Variants in CDH4 observed in about 807,000 individuals in gnomAD.
CDH4 encodes the protein cadherin-4.
Under a neutral mutation model 86.0 loss-of-function variants are expected in CDH4, and 33 were observed. The observed-to-expected ratio is 0.38, with a 90% CI of 0.29 to 0.51. The LOEUF is 0.51. Ranked by LOEUF, CDH4 falls within the 20% of genes least tolerant of loss-of-function variation. The probability of loss-of-function intolerance (pLI) is 0.86; values close to 1 mark genes in which losing one functional copy is unlikely to be tolerated. For synonymous variants in CDH4, 555 were observed against 549.4 expected (o/e 1.01, Z -0.14); for missense variants, 1,114 against 1,307.4 (o/e 0.85, Z 2.28).
At chr20:61,521,873 G>A (rs969968038) in intron 2 of CDH4, among the ~76,000 whole-genome samples, 1 of 152,164 alleles carries the variant, frequency 6.6e-6, no homozygotes, top group Non-Finnish European at 1.5e-5. Flanking sequence ...GATTTTAGTC[G>A]CATTTCCTGT....
intron 5 of CDH4, among the ~76,000 whole-genome samples, chr20:61,845,592 T>C (rs547441350): frequency 2.6e-4 from 40 of 152,148 alleles, no homozygotes; most frequent in Non-Finnish European, 4.4e-4. Context: ...ATCACGAGGG[T>C]CACACCCCGA....
chr20:61,778,730 TCA>T (rs1026854575), intron 4 of CDH4, among the ~76,000 whole-genome samples: 3 of 152,112 alleles, frequency 2.0e-5, no homozygotes, highest in Admixed American at 6.5e-5. Flanking sequence ...AGGAAGCCGC[TCA>T]CAGTTACCGA....
Position 61,624,593 on chromosome 20 carries a change from G to A in CDH4, c.170-118970G>A, listed in dbSNP as rs1041235145. ...GACCAAGCCTCAGTGGCCAAACCTG[G>A]GATCTCTGGAATCGAGATCCTCAGC... On this transcript the variant is annotated intron_variant, in intron 2 of 15. Transcript: ENST00000614565. Among the ~76,000 whole-genome samples the A allele has an allele frequency of 5.3e-5, 8 of 152,184 alleles. 1 individual carries two copies. The highest frequency in any genetic ancestry group is 5.2e-4 in the Admixed American group (8 of 15,288).
chr20:61,532,854 C>G (rs1378730684), intron 2 of CDH4, among the ~76,000 whole-genome samples: 1 of 152,164 alleles, frequency 6.6e-6, no homozygotes, highest in African/African-American at 2.4e-5. Flanking sequence ...AGCAACACTC[C>G]TCTGTCTTCT....
At chr20:61,743,132 A>G (rs1269171160) in intron 2 of CDH4, among the ~76,000 whole-genome samples, 1 of 152,198 alleles carries the variant, frequency 6.6e-6, no homozygotes, top group Non-Finnish European at 1.5e-5. Context: ...CTTGGAGTGG[A>G]AAAACAGGTC....
chr20:61,503,198 C>G (rs1267187070), intron 2 of CDH4, among the ~76,000 whole-genome samples: 1 of 152,104 alleles, frequency 6.6e-6, no homozygotes, highest in East Asian at 1.9e-4. Flanking sequence ...ACGGGATATA[C>G]GTGATCAGGG....
intron 2 of CDH4, among the ~76,000 whole-genome samples, chr20:61,563,277 G>C (rs570267564): frequency 1.3e-5 from 2 of 152,334 alleles, no homozygotes; most frequent in African/African-American, 4.8e-5. Flanking sequence ...TTTTCACAAA[G>C]CAGGCACTCA....
Position 61,873,765 on chromosome 20 carries a change from C to T in CDH4, c.915C>T (p.Asp305=), listed in dbSNP as rs147617244. 9.3e-6 allele frequency: 15 copies of T among 1,613,768 alleles called. No homozygotes were observed. Among genetic ancestry groups the T allele is most frequent in the East Asian group, 8.9e-5 (4 of 44,888 alleles). The change falls in exon 7 of 16, where the codon GAC becomes GAT. Residue 305 remains aspartate, a synonymous_variant. Transcript: ENST00000614565. ...TGACCGTCACGGCCAACGATGCTGA[C>T]GACAGCACCACGGCCAACGGGATGG... The part of the protein sequence containing the change: ...YVMTVTANDA[D]DSTTANGMVR...
At position 61,325,492 on chromosome 20, in the gene CDH4, C is replaced by T. The variant is rs138631394; in HGVS notation, c.169+70555C>T. Among the ~76,000 whole-genome samples, 16 of 149,992 alleles carry T rather than the reference C, an allele frequency of 1.1e-4. No homozygotes were observed. The South Asian group carries it at 2.3e-3, about 22-fold the overall frequency. On this transcript the variant is annotated intron_variant, in intron 2 of 15. Transcript: ENST00000614565. ...CTGCATTTCTTGAGAGATGTCAGAA[C>T]GGGAGGGGTGTGTTTTGGGGAAGAG... is the stretch of plus-strand genomic sequence containing the variant.
At chr20:61,513,561 T>G (rs1354619251) in intron 2 of CDH4, among the ~76,000 whole-genome samples, 1 of 152,208 alleles carries the variant, frequency 6.6e-6, no homozygotes, top group African/African-American at 2.4e-5. Flanking sequence ...GGGCCCAGAA[T>G]TCCGTGCTCC....
At chr20:61,579,719 C>T (rs996971987) in intron 2 of CDH4, among the ~76,000 whole-genome samples, 2 of 152,076 alleles carry the variant, frequency 1.3e-5, no homozygotes, top group African/African-American at 2.4e-5. Context: ...AGTAGGCACC[C>T]GATGAATACT....
At chr20:61,726,776 C>G (rs913726319) in intron 2 of CDH4, among the ~76,000 whole-genome samples, 3 of 149,162 alleles carry the variant, frequency 2.0e-5, no homozygotes, top group Non-Finnish European at 4.4e-5. Flanking sequence ...ATCACCATTG[C>G]TGCCATCATC....
At chr20:61,400,845 C>A (rs752436235) in intron 2 of CDH4, among the ~76,000 whole-genome samples, 3 of 152,208 alleles carry the variant, frequency 2.0e-5, no homozygotes, top group Non-Finnish European at 4.4e-5. Context: ...ACCGGCCCTG[C>A]CCCCTTCCAG....
At position 61,782,265 on chromosome 20, in the gene CDH4, C is replaced by T. The variant is rs140060963; in HGVS notation, c.576+9083C>T. ...CAGAGGTTGCAGTGAGCCGAGATCA[C>T]GCCACTGCACTGCAGCCTGGGTGAC... is the stretch of plus-strand genomic sequence containing the variant. On this transcript the variant is annotated intron_variant, in intron 4 of 15. Transcript: ENST00000614565. 3.2e-3 allele frequency among the ~76,000 whole-genome samples: 493 copies of T among 152,242 alleles called. 3 individuals carry two copies. The highest frequency in any genetic ancestry group is 0.011 in the African/African-American group (464 of 41,544).
At chr20:61,579,859 A>G (rs914708390) in intron 2 of CDH4, among the ~76,000 whole-genome samples, 1 of 152,154 alleles carries the variant, frequency 6.6e-6, no homozygotes. Flanking sequence ...TCTATATTAT[A>G]GTTATTCAAA....
chr20:61,880,961 G>A (rs1984247219), intron 7 of CDH4, among the ~76,000 whole-genome samples: 1 of 152,226 alleles, frequency 6.6e-6, no homozygotes, highest in Non-Finnish European at 1.5e-5. Context: ...CTGGTTTCAT[G>A]GGGGACCCTG....
chr20:61,323,542 C>A (rs2084520428), intron 2 of CDH4, among the ~76,000 whole-genome samples: 1 of 152,242 alleles, frequency 6.6e-6, no homozygotes, highest in Non-Finnish European at 1.5e-5. Context: ...CAGTGACATT[C>A]AGCTTCTGCC....
intron 4 of CDH4, among the ~76,000 whole-genome samples, chr20:61,835,258 A>G (rs1981815326): frequency 6.6e-6 from 1 of 151,500 alleles, no homozygotes; most frequent in Non-Finnish European, 1.5e-5. Context: ...TTCTTTAAAG[A>G]CAGGGTATGT....
At chr20:61,704,501 A>G (rs772149885) in intron 2 of CDH4, among the ~76,000 whole-genome samples, 6 of 152,030 alleles carry the variant, frequency 3.9e-5, no homozygotes, top group Admixed American at 6.5e-5. Flanking sequence ...CTTCTGAGAG[A>G]GGAGAGCGGC....
Sources: gnomAD v4.1 joint callset for allele counts (sites outside exome capture counted in the v4.1 genomes callset) on GRCh38, gnomAD v4.1.1 for gene constraint, MANE v1.5 for transcripts, NCBI Gene and HGNC (gene_info 2026-07-23, HGNC 2026-07-21) for gene names.